SZRD1: variants seen among roughly 807,000 people sequenced by gnomAD.
The protein encoded by SZRD1 is SUZ RNA binding domain containing 1.
In SZRD1, 7 loss-of-function variants were observed where a neutral mutation model predicts 17.6. The ratio of observed to expected loss-of-function variants is 0.40; its 90% confidence interval spans 0.23 to 0.75. The LOEUF (loss-of-function observed/expected upper bound fraction) is 0.75. SZRD1 is among the 30% of genes least tolerant of loss of function. SZRD1 has a pLI of 0.38. For missense variants in SZRD1, 178 were observed against 201.8 expected (o/e 0.88, Z 0.71); for synonymous variants, 77 against 77.9 (o/e 0.99, Z 0.06).
At position 16,377,556 on chromosome 1, in the gene SZRD1, C is replaced by G. The variant is rs559425115; in HGVS notation, c.51+10248C>G. On this transcript the variant is annotated intron_variant, in intron 1 of 3. Coordinates refer to ENST00000401088, the MANE Select transcript of SZRD1 (RefSeq NM_001114600.3). ...GCCAAGATCATGACAGAGACAGACT[C>G]TGTCTCAAAAAAAAAAAAAAAAAAA... Among the ~76,000 whole-genome samples the G allele has an allele frequency of 5.1e-4, 60 of 117,588 alleles. 2 individuals carry two copies. In the South Asian group the frequency reaches 0.015, roughly 29 times the overall value. 77.1% of individuals were successfully genotyped at this position (117,588 alleles called of 152,430 possible).
rs112412488 is a variant in SZRD1 at position 16,372,357 on chromosome 1, C to G, written c.51+5049C>G. Among the ~76,000 whole-genome samples, 1,368 of 152,162 alleles carry G rather than the reference C, an allele frequency of 9.0e-3. 13 individuals carry two copies. The highest frequency in any genetic ancestry group is 0.031 in the African/African-American group (1,296 of 41,498). ...GCATGGTGGCAGGTGCCTGTAATCCCAGCTACTCCGGAGGCTGAGGCAGGA... is the reference window on the plus strand; with the variant it reads ...GCATGGTGGCAGGTGCCTGTAATCCGAGCTACTCCGGAGGCTGAGGCAGGA... On this transcript the variant is annotated intron_variant, in intron 1 of 3. Transcript: ENST00000401088.
In SZRD1 at chr1:16,394,987, G is replaced by A. The variant is rs777057936; in HGVS notation, c.357-51G>A. The stretch of plus-strand genomic sequence containing the variant: ...AATAAAAAATAAAGAAATGATGGGG[G>A]ACATCTATTATATCCTTCTTCAGGC... On this transcript the variant is annotated intron_variant, in intron 3 of 3. Transcript: ENST00000401088. 1.5e-5 allele frequency: 15 copies of A among 978,840 alleles called. No homozygotes were observed. The African/African-American group carries it at 1.8e-4, about 12-fold the overall frequency. The allele number at this position is 978,840 out of a possible 1,614,324, so 60.6% of individuals were successfully genotyped here.
At chr1:16,379,887 A>C (rs531155935) in intron 1 of SZRD1, among the ~76,000 whole-genome samples, 1 of 151,718 alleles carries the variant, frequency 6.6e-6, no homozygotes, top group Non-Finnish European at 1.5e-5. Context: ...CAGCCTCCCA[A>C]GTAGGTGGGA....
rs2085223016 is a variant in SZRD1, at chr1:16,391,595, T to C, written c.101+171T>C. The stretch of plus-strand genomic sequence containing the variant: ...ACCAGGACGTGGTGGCTTGAGGCTT[T>C]AGGGTTGAGGCTGGGGTGTTGCACC... On this transcript the variant is annotated intron_variant, in intron 2 of 3. Transcript: ENST00000401088. This position sits in a 1 kb window ranked among gnomAD's most constrained non-coding sequence, Gnocchi z 4.3. Among the ~76,000 whole-genome samples, 1 of 152,144 alleles carries C rather than the reference T, an allele frequency of 6.6e-6. No individual in the cohort carries two copies.
intron 1 of SZRD1, among the ~76,000 whole-genome samples, chr1:16,384,626 G>A (rs1320136072): frequency 2.0e-5 from 3 of 152,222 alleles, no homozygotes; most frequent in Non-Finnish European, 2.9e-5. Flanking sequence ...GGACCTGGGC[G>A]CCAGTGTCCC....
chr1:16,367,371 G>C (rs1296863703), intron 1 of SZRD1, 63 bp downstream of exon 1: 1 of 1,470,720 alleles, frequency 6.8e-7, no homozygotes, highest in East Asian at 2.5e-5. Flanking sequence ...GGAGCCTCCG[G>C]GGAGCGGGTC....
chr1:16,370,691 C>T (rs1282305664), intron 1 of SZRD1, among the ~76,000 whole-genome samples: 1 of 152,040 alleles, frequency 6.6e-6, no homozygotes, highest in Non-Finnish European at 1.5e-5. Context: ...GGCTGAAGTG[C>T]AGTGGCATAA....
In SZRD1 at chr1:16,398,135, T is replaced by A; in HGVS notation, c.*2995T>A. 1 of 468,244 alleles carries A rather than the reference T, an allele frequency of 2.1e-6. No individual in the cohort carries two copies. Among genetic ancestry groups the A allele is most frequent in the Non-Finnish European group, 2.8e-6 (1 of 356,998 alleles). The allele number at this position is 468,244 out of a possible 1,614,324, so 29.0% of individuals were successfully genotyped here. On this transcript the variant is annotated 3_prime_UTR_variant, in exon 4 of 4. Transcript: ENST00000401088. ...TAAATTGTATTTTAAATACATGTTT[T>A]AAACTTGTCAGATCTTTGTCCTCAT...
rs769733443 is a variant in SZRD1 at position 16,393,241 on chromosome 1, TCTC to T, written c.120_122del (p.Pro41del). On this transcript the variant is annotated inframe_deletion, in exon 3 of 4. Transcript: ENST00000401088. This position sits in a 1 kb window ranked among gnomAD's most constrained non-coding sequence, Gnocchi z 5.6. The stretch of plus-strand genomic sequence containing the variant: ...GCTCTTTGTCAGCAGGAAATCCAAA[TCTC>T]CTCCCAAAGTGCCCATTGTGATTCA... 6.2e-7 allele frequency: 1 copy of T among 1,613,882 alleles called. No individual in the cohort carries two copies. Among genetic ancestry groups the T allele is most frequent in the Non-Finnish European group, 8.5e-7 (1 of 1,179,868 alleles).
chr1:16,391,382 A>G lies in SZRD1; in HGVS notation c.59A>G (p.Asp20Gly). 1 of 1,548,060 alleles carries G rather than the reference A, an allele frequency of 6.5e-7. No homozygotes were observed. The highest frequency in any genetic ancestry group is 8.7e-7 in the Non-Finnish European group (1 of 1,145,156). Residue 20 changes from aspartate to glycine, a missense_variant, in exon 2 of 4, where the codon GAC becomes GGC. This residue lies in a region of SZRD1 where 117 missense variants were observed against 108.7 expected (regional missense o/e 1.08). Coordinates refer to ENST00000401088, the MANE Select transcript of SZRD1 (RefSeq NM_001114600.3). This position sits in a 1 kb window ranked among gnomAD's most constrained non-coding sequence, Gnocchi z 4.3. ...WEEAADSGEI[D>G]RRLEKKLKIT... ...TACATTTTTTTCCTCTAGGAAATAG[A>G]CAGACGGTTGGAAAAAAAACTGAAG...
intron 1 of SZRD1, among the ~76,000 whole-genome samples, chr1:16,372,664 A>T (rs545498238): frequency 6.6e-6 from 1 of 152,326 alleles, no homozygotes; most frequent in African/African-American, 2.4e-5. Flanking sequence ...AAGAAAATGC[A>T]TCTTGAATAA....
chr1:16,369,693 A>G (rs1043454268), intron 1 of SZRD1, among the ~76,000 whole-genome samples: 1 of 152,190 alleles, frequency 6.6e-6, no homozygotes, highest in Non-Finnish European at 1.5e-5. Flanking sequence ...GTTCCAGACC[A>G]GCCTGGCCAA....
intron 1 of SZRD1, among the ~76,000 whole-genome samples, chr1:16,378,388 A>G (rs1372257870): frequency 1.3e-5 from 2 of 150,800 alleles, no homozygotes; most frequent in African/African-American, 4.9e-5. Context: ...GGTTTGAGCA[A>G]ATTCTCCTGC....
rs890615417 is a variant in SZRD1, at chr1:16,370,879, A to G, written c.51+3571A>G. ...TTTGATTCCCTTTTCAAATTTCACA[A>G]AGGTTCTTGTAAATATGCACTTTTG... On this transcript the variant is annotated intron_variant, in intron 1 of 3. Coordinates refer to ENST00000401088, the MANE Select transcript of SZRD1 (RefSeq NM_001114600.3). Among the ~76,000 whole-genome samples, 23 of 152,200 alleles carry G rather than the reference A, an allele frequency of 1.5e-4. 1 individual carries two copies. Among genetic ancestry groups the G allele is most frequent in the Admixed American group, 1.2e-3 (19 of 15,272 alleles).
At position 16,397,978 on chromosome 1, in the gene SZRD1, G is replaced by C; in HGVS notation, c.*2838G>C. The C allele has an allele frequency of 1.3e-6, 1 of 744,426 alleles. No individual in the cohort carries two copies. The highest frequency in any genetic ancestry group is 1.6e-6 in the Non-Finnish European group (1 of 610,104). The allele number at this position is 744,426 out of a possible 1,614,324, so 46.1% of individuals were successfully genotyped here. On this transcript the variant is annotated 3_prime_UTR_variant, in exon 4 of 4. Transcript: ENST00000401088. This position sits in a 1 kb window ranked among gnomAD's most constrained non-coding sequence, Gnocchi z 5.4. ...CCCAGGGGTGCACATGGGCCCCTTG[G>C]GTGTCTGAACAGAAGGGCATGGGAG... is the stretch of plus-strand genomic sequence containing the variant.
chr1:16,375,665 A>T (rs962978634), intron 1 of SZRD1, among the ~76,000 whole-genome samples: 11 of 152,182 alleles, frequency 7.2e-5, no homozygotes, highest in African/African-American at 2.7e-4. Flanking sequence ...TGCCCATCAC[A>T]GTAAGCCAGC....
Position 16,395,289 on chromosome 1 carries a change from G to A in SZRD1, c.*149G>A. Reference sequence around the variant, plus strand: ...TGTGATCCCCCTTGCTCCGCCCACTGTGACCTTGAACCCCATGCACTGTGA... The same window carrying A: ...TGTGATCCCCCTTGCTCCGCCCACTATGACCTTGAACCCCATGCACTGTGA... On this transcript the variant is annotated 3_prime_UTR_variant, in exon 4 of 4. Transcript: ENST00000401088. 1 of 697,644 alleles carries A rather than the reference G, an allele frequency of 1.4e-6. No homozygotes were observed. The highest frequency in any genetic ancestry group is 2.7e-5 in the East Asian group (1 of 36,588). The allele number at this position is 697,644 out of a possible 1,614,324, so 43.2% of individuals were successfully genotyped here. A position where few individuals can be genotyped will look rare whatever the true frequency, so the allele number is the denominator to read the frequency against.
At chr1:16,376,337 A>C (rs1039889629) in intron 1 of SZRD1, among the ~76,000 whole-genome samples, 18 of 152,214 alleles carry the variant, frequency 1.2e-4, no homozygotes, top group African/African-American at 4.1e-4. Context: ...TGTAGCCTGC[A>C]TGAGCTCATA....
chr1:16,384,876 T>C (rs967969950), intron 1 of SZRD1, among the ~76,000 whole-genome samples: 4 of 152,178 alleles, frequency 2.6e-5, no homozygotes, highest in Admixed American at 2.6e-4. Flanking sequence ...ACTTGTAGAC[T>C]TGTGCACCCT....
Sources: gnomAD v4.1 joint callset for allele counts (sites outside exome capture counted in the v4.1 genomes callset) on GRCh38, gnomAD v4.1.1 for gene constraint, gnomAD v4.1.1 regional missense constraint, Gnocchi (gnomAD v3.1) non-coding constraint, MANE v1.5 for transcripts, NCBI Gene and HGNC (gene_info 2026-07-23, HGNC 2026-07-21) for gene names.